The following SLC17A4 variants were observed in gnomAD, a reference collection of about 807,000 sequenced individuals.
SLC17A4 encodes the protein probable small intestine urate exporter.
In SLC17A4, 33 loss-of-function variants were observed where a neutral mutation model predicts 52.5. The ratio of observed to expected loss-of-function variants is 0.63; its 90% CI spans 0.48 to 0.84. The LOEUF is 0.84. SLC17A4 is among the 40% of genes least tolerant of loss of function. The pLI is 0.00. For synonymous variants in SLC17A4, 225 were observed against 216.2 expected (o/e 1.04, Z -0.36); for missense variants, 585 against 597.1 (o/e 0.98, Z 0.21).
At position 25,773,606 on chromosome 6, in the gene SLC17A4, C is replaced by CT. The variant is rs752209860; in HGVS notation, c.925dup (p.Tyr309LeufsTer22). On this transcript the variant is annotated frameshift_variant, in exon 8 of 12. Coordinates refer to ENST00000377905, the MANE Select transcript of SLC17A4 (RefSeq NM_005495.3). LOFTEE classifies it high-confidence loss of function. ...AGTCTCTTATTTCTGTGAATACTGG[C>CT]TTTTTTATACCATTATGGCGTACAC... 4 of 1,613,948 alleles carry CT rather than the reference C, an allele frequency of 2.5e-6. No homozygotes were observed. Among genetic ancestry groups the CT allele is most frequent in the South Asian group, 1.1e-5 (1 of 91,066 alleles).
At chr6:25,759,326 G>T (rs1299020599) in intron 1 of SLC17A4, among the ~76,000 whole-genome samples, 1 of 152,152 alleles carries the variant, frequency 6.6e-6, no homozygotes, top group African/African-American at 2.4e-5. Flanking sequence ...TTGTTCTAGG[G>T]TATAGTTTAA....
rs1762399787 is a variant in SLC17A4 at position 25,770,580 on chromosome 6, CT to C, written c.619+112del. The C allele has an allele frequency of 5.8e-6, 6 of 1,033,080 alleles. No individual in the cohort carries two copies. In the Admixed American group the frequency reaches 9.0e-5, roughly 16 times the overall value. 64.0% of individuals were successfully genotyped at this position (1,033,080 alleles called of 1,614,324 possible). A position where few individuals can be genotyped will look rare whatever the true frequency, so the allele number is the denominator to read the frequency against. ...TATCAATCTCTGTGTCTTCATAGTC[CT>C]TTCCTTAAAGCACTACCCCATACTG... On this transcript the variant is annotated intron_variant, in intron 5 of 11. Transcript: ENST00000377905.
chr6:25,779,914 C>T lies in SLC17A4; in HGVS notation c.*726C>T, dbSNP rs1432617439. On this transcript the variant is annotated 3_prime_UTR_variant, in exon 12 of 12. Transcript: ENST00000377905. ...CCAGTGTCTCTTCTAGCCCCTCCAA[C>T]AGTTCTTCATGTAGCACTGCTTTTG... 1 of 152,230 alleles carries T rather than the reference C, an allele frequency of 6.6e-6. No homozygotes were observed. The highest frequency in any genetic ancestry group is 1.9e-4 in the East Asian group (1 of 5,194). 9.4% of individuals were successfully genotyped at this position (152,230 alleles called of 1,614,324 possible). A position where few individuals can be genotyped will look rare whatever the true frequency, so the allele number is the denominator to read the frequency against.
Position 25,770,318 on chromosome 6 carries a change from A to C in SLC17A4, c.531+18A>C. Reference sequence around the variant, plus strand: ...TAGCCCAGGTACCAAGATGTTTTCCAGGTATAAGTGGAATATAGGTTCCAG... The same window carrying C: ...TAGCCCAGGTACCAAGATGTTTTCCCGGTATAAGTGGAATATAGGTTCCAG... On this transcript the variant is annotated intron_variant, in intron 4 of 11. Transcript: ENST00000377905. 1 of 1,613,704 alleles carries C rather than the reference A, an allele frequency of 6.2e-7. No homozygotes were observed. The highest frequency in any genetic ancestry group is 1.3e-5 in the African/African-American group (1 of 75,022).
rs772417110 is a variant in SLC17A4, at chr6:25,773,334, A to G, written c.766A>G (p.Asn256Asp). ...TCCTCTCATTTATGATGATCCTGTG[A>G]ATCATCCCTTTATCAGTGCTGGTGA... ...WFPLIYDDPV[N>D]HPFISAGEKR... The change falls in exon 7 of 12, where the codon AAT becomes GAT. Residue 256 changes from asparagine (N) to aspartate (D), a missense_variant. Coordinates refer to ENST00000377905, the MANE Select transcript of SLC17A4 (RefSeq NM_005495.3). 2.5e-6 allele frequency: 4 copies of G among 1,613,984 alleles called. No individual in the cohort carries two copies. The highest frequency in any genetic ancestry group is 3.4e-6 in the Non-Finnish European group (4 of 1,179,886).
chr6:25,765,054 T>G (rs548932983), intron 2 of SLC17A4, among the ~76,000 whole-genome samples: 1 of 152,224 alleles, frequency 6.6e-6, no homozygotes, highest in African/African-American at 2.4e-5. Flanking sequence ...CCAGCATGGG[T>G]GGCCCTGTGC....
At position 25,777,921 on chromosome 6, in the gene SLC17A4, C is replaced by G; in HGVS notation, c.1269-5C>G. 6.2e-7 allele frequency: 1 copy of G among 1,607,864 alleles called. No individual in the cohort carries two copies. Among genetic ancestry groups the G allele is most frequent in the Non-Finnish European group, 8.5e-7 (1 of 1,174,822 alleles). ...TTATAATAGAGTACCATCTCTCTCT[C>G]TCAGGTACACTGGCTTTCTCAAAGG... On this transcript the variant is annotated splice_polypyrimidine_tract_variant and splice_region_variant and intron_variant, in intron 10 of 11. Coordinates refer to ENST00000377905, the MANE Select transcript of SLC17A4 (RefSeq NM_005495.3).
chr6:25,763,655 C>A (rs997909334), intron 2 of SLC17A4, among the ~76,000 whole-genome samples: 27 of 152,272 alleles, frequency 1.8e-4, no homozygotes, highest in African/African-American at 6.3e-4. Flanking sequence ...TGGAGAAATG[C>A]CCCCTCCCCC....
intron 1 of SLC17A4, 92 bp from the exon 2 acceptor site, chr6:25,761,835 A>G (rs747055428): frequency 1.0e-5 from 7 of 685,586 alleles, no homozygotes; most frequent in Non-Finnish European, 1.2e-5. Context: ...CTTTTCTTAT[A>G]CAGCAACATT....
chr6:25,771,115 T>C (rs1412573583), intron 6 of SLC17A4, 103 bp downstream of exon 6: 1 of 960,486 alleles, frequency 1.0e-6, no homozygotes, highest in African/African-American at 1.6e-5. Context: ...TTTACATAGC[T>C]AAAGCTGGTA....
chr6:25,771,053 C>A (rs1344694617), intron 6 of SLC17A4, 41 bp downstream of exon 6: 7 of 1,462,548 alleles, frequency 4.8e-6, no homozygotes, highest in African/African-American at 2.8e-5. Context: ...ATGACAGAGA[C>A]TTCTGTGATG....
chr6:25,775,959 C>T (rs1762879377), intron 8 of SLC17A4, among the ~76,000 whole-genome samples: 1 of 152,136 alleles, frequency 6.6e-6, no homozygotes, highest in African/African-American at 2.4e-5. Flanking sequence ...AGCAATGCTG[C>T]AGTGAAAACC....
At chr6:25,756,656 C>T (rs1012854611) in intron 1 of SLC17A4, among the ~76,000 whole-genome samples, 4 of 152,108 alleles carry the variant, frequency 2.6e-5, no homozygotes, top group African/African-American at 9.7e-5. Context: ...TCGCCTGTTA[C>T]TGAAAAAACT....
At chr6:25,762,140 T>C in intron 2 of SLC17A4, 87 bp downstream of exon 2, 2 of 1,168,980 alleles carry the variant, frequency 1.7e-6, no homozygotes, top group Non-Finnish European at 2.4e-6. Context: ...CTAGGATCTG[T>C]GGCATCTTTT....
chr6:25,769,331 T>G (rs1192585348), intron 3 of SLC17A4, 141 bp downstream of exon 3: 8 of 807,988 alleles, frequency 9.9e-6, no homozygotes, highest in Non-Finnish European at 1.3e-5. Context: ...TACCTAAGTA[T>G]CAGGCCGAGC....
intron 1 of SLC17A4, among the ~76,000 whole-genome samples, chr6:25,760,618 CT>C (rs1761449254): frequency 6.6e-6 from 1 of 152,084 alleles, no homozygotes; most frequent in Non-Finnish European, 1.5e-5. Flanking sequence ...TACATTGGAC[CT>C]TTTCACTCCA....
chr6:25,758,168 T>G (rs1761185987), intron 1 of SLC17A4, among the ~76,000 whole-genome samples: 1 of 152,194 alleles, frequency 6.6e-6, no homozygotes, highest in African/African-American at 2.4e-5. Context: ...TGCACACACA[T>G]GCACACACAC....
At chr6:25,777,829 T>G in intron 10 of SLC17A4, 97 bp from the exon 11 acceptor site, 1 of 973,416 alleles carries the variant, frequency 1.0e-6, no homozygotes, top group Non-Finnish European at 1.6e-6. Context: ...TATTAACCCT[T>G]TGTTTGCACA....
intron 1 of SLC17A4, among the ~76,000 whole-genome samples, chr6:25,758,119 C>G (rs1191395394): frequency 6.6e-6 from 1 of 152,214 alleles, no homozygotes; most frequent in African/African-American, 2.4e-5. Context: ...GTCACCACCT[C>G]ATGCCCTTAG....
Sources: allele counts gnomAD v4.1 joint callset (sites outside exome capture counted in the v4.1 genomes callset), GRCh38; gene constraint gnomAD v4.1.1; transcripts MANE v1.5; gene names NCBI Gene and HGNC (gene_info 2026-07-23, HGNC 2026-07-21).